The following ITIH5 variants were observed in gnomAD, a reference collection of about 807,000 sequenced individuals.
ITIH5 encodes inter-alpha-trypsin inhibitor heavy chain 5.
A neutral mutation model predicts 77.5 loss-of-function variants in ITIH5; 65 were observed. The observed-to-expected ratio is 0.84, with a 90% CI of 0.69 to 1.03. ITIH5 has a LOEUF of 1.03. Ranked by LOEUF, ITIH5 falls within the 50% of genes least tolerant of loss-of-function variation. The pLI is 0.00. For synonymous variants in ITIH5, 525 were observed against 494.3 expected (o/e 1.06, Z -0.82); for missense variants, 1,208 against 1,213.1 (o/e 1.00, Z 0.06).
intron 2 of ITIH5, among the ~76,000 whole-genome samples, chr10:7,649,234 CTTCT>C (rs1248867733): frequency 1.3e-5 from 2 of 151,402 alleles, no homozygotes; most frequent in Non-Finnish European, 2.9e-5. Context: ...TTTCTTCTTC[CTTCT>C]TTCTTCTTCC....
At chr10:7,568,780 C>A (rs1054268338) in intron 12 of ITIH5, among the ~76,000 whole-genome samples, 7 of 152,138 alleles carry the variant, frequency 4.6e-5, no homozygotes, top group Non-Finnish European at 7.3e-5. Flanking sequence ...TAATCTCTTT[C>A]ACCCAAGCCC....
chr10:7,584,726 C>T (rs10905193), intron 8 of ITIH5, among the ~76,000 whole-genome samples: 44,400 of 152,082 alleles, frequency 0.29, 6,883 homozygotes, highest in East Asian at 0.49. Flanking sequence ...ATTGAGCATG[C>T]CCTCTGTGTT....
chr10:7,572,045 G>A (rs1349528204), intron 11 of ITIH5: 1 of 1,011,552 alleles, frequency 9.9e-7, no homozygotes, highest in Non-Finnish European at 1.2e-6. Context: ...CCAAAAAAGA[G>A]GGGAGGGTCA....
chr10:7,624,857 G>GTATATATGTATATACACATATATATGTA (rs1833546152), intron 5 of ITIH5, among the ~76,000 whole-genome samples: 2 of 56,096 alleles, frequency 3.6e-5, no homozygotes, highest in African/African-American at 1.2e-4. Flanking sequence ...ATATATATGT[G>GTATATATGTATATACACATATATATGTA]TATATATGTA....
intron 2 of ITIH5, among the ~76,000 whole-genome samples, chr10:7,652,881 T>C (rs895181262): frequency 4.6e-5 from 7 of 151,262 alleles, no homozygotes; most frequent in African/African-American, 7.3e-5. Context: ...AATAGAAAGA[T>C]GGGCAAAGGA....
chr10:7,628,332 G>C (rs979897416), intron 5 of ITIH5, among the ~76,000 whole-genome samples: 1 of 152,188 alleles, frequency 6.6e-6, no homozygotes, highest in Non-Finnish European at 1.5e-5. Context: ...TGTCTCTACG[G>C]ATTTGTGTGT....
At chr10:7,600,856 C>T (rs1319804794) in intron 7 of ITIH5, among the ~76,000 whole-genome samples, 2 of 152,270 alleles carry the variant, frequency 1.3e-5, no homozygotes, top group East Asian at 1.9e-4. Flanking sequence ...GGAGGACATG[C>T]GGAGAACTTG....
rs61399589 is a variant in ITIH5, at chr10:7,649,538, GTAGA to G, written c.135+6089_135+6092del. 7.2e-5 allele frequency among the ~76,000 whole-genome samples: 11 copies of G among 152,088 alleles called. No individual in the cohort carries two copies. The East Asian group carries it at 7.7e-4, about 11-fold the overall frequency. On this transcript the variant is annotated intron_variant, in intron 2 of 13. Coordinates refer to ENST00000397146, the MANE Select transcript of ITIH5 (RefSeq NM_030569.7). ...GATAGATGGATAGATAGATAGGTAG[GTAGA>G]TAGATAGATAGATAGATACCTTGAC...
intron 5 of ITIH5, among the ~76,000 whole-genome samples, chr10:7,635,132 T>C (rs1245733414): frequency 6.6e-6 from 1 of 152,192 alleles, no homozygotes; most frequent in Non-Finnish European, 1.5e-5. Flanking sequence ...AGCTACCTAC[T>C]GTTTAACAGG....
chr10:7,655,775 TA>T, intron 1 of ITIH5, 100 bp from the exon 2 acceptor site: 1 of 900,428 alleles, frequency 1.1e-6, no homozygotes, highest in Non-Finnish European at 1.8e-6. Flanking sequence ...ACAAGGGGGT[TA>T]AAATCTATTC....
At chr10:7,597,575 CAGAG>C (rs1832930524) in intron 7 of ITIH5, among the ~76,000 whole-genome samples, 2 of 137,168 alleles carry the variant, frequency 1.5e-5, no homozygotes, top group South Asian at 2.5e-4. Flanking sequence ...CTCTGTACCC[CAGAG>C]ACACCCGTAC....
intron 8 of ITIH5, among the ~76,000 whole-genome samples, chr10:7,582,724 T>G (rs1832590945): frequency 6.6e-6 from 1 of 152,182 alleles, no homozygotes; most frequent in Non-Finnish European, 1.5e-5. Flanking sequence ...ATTCAGTGAA[T>G]TAAGCCAGGC....
chr10:7,586,269 C>T (rs574765422), intron 7 of ITIH5, among the ~76,000 whole-genome samples, 200 bp from the exon 8 acceptor site: 2 of 152,216 alleles, frequency 1.3e-5, no homozygotes, highest in Non-Finnish European at 2.9e-5. Flanking sequence ...CGGTTGTAGA[C>T]ACGAGTGAAT....
chr10:7,566,790 AGAAGAAGAAGAGGAAGAG>A (rs199982767), intron 12 of ITIH5, among the ~76,000 whole-genome samples: 75 of 4,154 alleles, frequency 0.018, 22 homozygotes, highest in East Asian at 0.11. Context: ...AGAAGAAAGA[AGAAGAAGAAGAGGAAGAG>A]GAAGAGGAAG....
At chr10:7,575,084 G>A (rs191291274) in intron 10 of ITIH5, among the ~76,000 whole-genome samples, 105 of 152,336 alleles carry the variant, frequency 6.9e-4, no homozygotes, top group African/African-American at 2.4e-3. Flanking sequence ...TTCTGAAATA[G>A]CCATGTCAAT....
intron 11 of ITIH5, 47 bp from the exon 12 acceptor site, chr10:7,569,831 A>C: frequency 8.7e-7 from 1 of 1,143,120 alleles, no homozygotes; most frequent in Non-Finnish European, 1.3e-6. Flanking sequence ...ACACTTATTC[A>C]GTACCTTCCT....
chr10:7,574,794 GAAAAAAAA>G (rs59563530), intron 10 of ITIH5, among the ~76,000 whole-genome samples: 8 of 85,656 alleles, frequency 9.3e-5, no homozygotes. Flanking sequence ...CTCCATCTCG[GAAAAAAAA>G]AAAAAAAAAA....
chr10:7,626,780 T>C (rs1010087321), intron 5 of ITIH5, among the ~76,000 whole-genome samples: 2 of 152,246 alleles, frequency 1.3e-5, no homozygotes, highest in African/African-American at 4.8e-5. Context: ...GGGCATCTTA[T>C]ATCTCATCTG....
intron 12 of ITIH5, 55 bp downstream of exon 12, chr10:7,569,613 G>T: frequency 9.1e-7 from 1 of 1,093,412 alleles, no homozygotes; most frequent in Non-Finnish European, 1.3e-6. Flanking sequence ...AACAGAGGGG[G>T]ATGCAGTACC....
Sources: gnomAD v4.1 joint callset for allele counts (sites outside exome capture counted in the v4.1 genomes callset) on GRCh38, gnomAD v4.1.1 for gene constraint, MANE v1.5 for transcripts, NCBI Gene and HGNC (gene_info 2026-07-23, HGNC 2026-07-21) for gene names.